The following SLC30A8 variants were observed in gnomAD, a reference collection of about 807,000 sequenced individuals.
SLC30A8 encodes the protein solute carrier family 30 member 8.
SLC30A8 carries 27 observed loss-of-function variants against 36.9 expected under a neutral mutation model. The observed-to-expected ratio is 0.73, with a 90% CI of 0.54 to 1.01. SLC30A8 has a LOEUF of 1.01. Ranked by LOEUF, SLC30A8 falls within the 50% of genes least tolerant of loss-of-function variation. SLC30A8 has a pLI of 0.00. For missense variants in SLC30A8, 439 were observed against 452.0 expected, an observed-to-expected ratio of 0.97 and a Z score of 0.26; for synonymous variants, 164 against 172.4, an observed-to-expected ratio of 0.95 and a Z score of 0.38.
chr8:116,997,250 G>C (rs527551536), intron 1 of SLC30A8, among the ~76,000 whole-genome samples: 1 of 152,100 alleles, frequency 6.6e-6, no homozygotes, highest in Admixed American at 6.5e-5. Context: ...CAGTTTGCCT[G>C]TTCTTCTGAT....
At chr8:117,071,891 C>A (rs560009186) in intron 2 of SLC30A8, among the ~76,000 whole-genome samples, 127 of 151,948 alleles carry the variant, frequency 8.4e-4, no homozygotes, top group African/African-American at 2.8e-3. Flanking sequence ...TATCTCCCAC[C>A]CTTCTCTGCC....
rs554155085 is a variant in SLC30A8 at position 117,042,848 on chromosome 8, G to A, written c.-226+3590G>A. 1.1e-3 allele frequency among the ~76,000 whole-genome samples: 168 copies of A among 152,196 alleles called. 1 individual carries two copies. Among genetic ancestry groups the A allele is most frequent in the Non-Finnish European group, 2.1e-3 (144 of 68,004 alleles). On this transcript the variant is annotated intron_variant, in intron 2 of 10. Coordinates refer to the SLC30A8 transcript ENST00000427715. ...GTGCCACCACAACCGGCTAATTTTT[G>A]TATTTTTAGTAGAGACGGGTTTTCA...
intron 1 of SLC30A8, among the ~76,000 whole-genome samples, chr8:116,976,399 A>G (rs546232493): frequency 6.6e-6 from 1 of 152,292 alleles, no homozygotes; most frequent in East Asian, 1.9e-4. Context: ...ACACCACTGC[A>G]TGGAACTGAT....
At chr8:117,090,529 C>T (rs1563588788) in intron 2 of SLC30A8, among the ~76,000 whole-genome samples, 1 of 152,070 alleles carries the variant, frequency 6.6e-6, no homozygotes, top group Non-Finnish European at 1.5e-5. Flanking sequence ...ATCTTGCTTC[C>T]TTGTTCCTAG....
intron 2 of SLC30A8, among the ~76,000 whole-genome samples, chr8:117,085,142 A>T (rs1294579391): frequency 6.6e-6 from 1 of 152,164 alleles, no homozygotes; most frequent in Non-Finnish European, 1.5e-5. Context: ...TTAAGAAAAA[A>T]CTATAACTTC....
At chr8:117,130,943 AT>A (rs2040024437), upstream of SLC30A8, among the ~76,000 whole-genome samples, 2 of 151,980 alleles carry the variant, frequency 1.3e-5, no homozygotes, top group South Asian at 4.1e-4. Context: ...TTTTTCTGTC[AT>A]TTATTTGCAT....
In SLC30A8 at chr8:117,175,865, A is replaced by AG. The variant is rs1823654333; in HGVS notation, c.*3186dup. On this transcript the variant is annotated 3_prime_UTR_variant, in exon 8 of 8. Transcript: ENST00000456015. ...TGCTGGGATAAAGGCATTTACTGAGAGGCTGTTACCTAGTGAGAGTGATGA... is the reference window on the plus strand; with the variant it reads ...TGCTGGGATAAAGGCATTTACTGAGAGGGCTGTTACCTAGTGAGAGTGATGA... The AG allele has an allele frequency of 6.6e-6, 1 of 152,072 alleles. No individual in the cohort carries two copies. Among genetic ancestry groups the AG allele is most frequent in the South Asian group, 2.1e-4 (1 of 4,830 alleles). The allele number at this position is 152,072 out of a possible 1,614,324, so 9.4% of individuals were successfully genotyped here.
At chr8:117,134,059 T>G (rs144826361), upstream of SLC30A8, among the ~76,000 whole-genome samples, 54 of 152,078 alleles carry the variant, frequency 3.6e-4, no homozygotes, top group Middle Eastern at 3.4e-3. Flanking sequence ...GAACCAAAGG[T>G]GACTTCTCCT....
Position 117,078,582 on chromosome 8 carries a change from A to G in SLC30A8, c.-226+39324A>G, listed in dbSNP as rs537625867. ...TCAGTTCCTCATCTGCAAAGTGGGCATCATAAAGTTCATCTCATAGGACTG... is the reference window on the plus strand; with the variant it reads ...TCAGTTCCTCATCTGCAAAGTGGGCGTCATAAAGTTCATCTCATAGGACTG... On this transcript the variant is annotated intron_variant, in intron 2 of 10. Transcript: ENST00000427715. Among the ~76,000 whole-genome samples the G allele has an allele frequency of 7.2e-5, 11 of 152,318 alleles. No individual in the cohort carries two copies. The South Asian group carries it at 2.1e-3, about 29-fold the overall frequency.
intron 7 of SLC30A8, among the ~76,000 whole-genome samples, chr8:117,171,692 T>TA (rs1823396265): frequency 6.6e-6 from 1 of 152,178 alleles, no homozygotes; most frequent in African/African-American, 2.4e-5. Flanking sequence ...AGAAAATTCT[T>TA]ATAATACTAG....
At chr8:117,015,548 C>CCCA (rs1554623798) in intron 1 of SLC30A8, among the ~76,000 whole-genome samples, 1 of 139,040 alleles carries the variant, frequency 7.2e-6, no homozygotes, top group African/African-American at 2.7e-5. Flanking sequence ...CCCCCCCCCC[C>CCCA]AAAAAAAAGA....
intron 4 of SLC30A8, 131 bp from the exon 5 acceptor site, chr8:117,161,606 TC>T: frequency 1.2e-6 from 1 of 850,322 alleles, no homozygotes; most frequent in South Asian, 2.0e-5. Flanking sequence ...CAAAGATAGT[TC>T]TTTTTAAAGC....
In SLC30A8 at chr8:116,961,813, A is replaced by G. The variant is rs189503887; in HGVS notation, c.-266+10694A>G. 3.3e-5 allele frequency among the ~76,000 whole-genome samples: 5 copies of G among 152,020 alleles called. No individual in the cohort carries two copies. In the East Asian group the frequency reaches 9.7e-4, roughly 29 times the overall value. Reference sequence around the variant, plus strand: ...GCCCTTTTTTTGTGTCGCTCAGACTAGAGTGTAGTGGTACAATCATAGCTC... The same window carrying G: ...GCCCTTTTTTTGTGTCGCTCAGACTGGAGTGTAGTGGTACAATCATAGCTC... On this transcript the variant is annotated intron_variant, in intron 1 of 10. Coordinates refer to the SLC30A8 transcript ENST00000427715.
At chr8:117,003,059 A>G (rs540337812) in intron 1 of SLC30A8, among the ~76,000 whole-genome samples, 2 of 152,338 alleles carry the variant, frequency 1.3e-5, no homozygotes, top group Admixed American at 1.3e-4. Context: ...ATTAAGAAAT[A>G]AAGAGAAATG....
intron 1 of SLC30A8, among the ~76,000 whole-genome samples, chr8:117,026,006 C>T (rs571407736): frequency 2.0e-5 from 3 of 152,208 alleles, no homozygotes; most frequent in Admixed American, 6.5e-5. Context: ...TGCATTTGTT[C>T]GTAGCATGGA....
chr8:116,951,803 T>G (rs146586573), intron 1 of SLC30A8, among the ~76,000 whole-genome samples: 228 of 152,258 alleles, frequency 1.5e-3, no homozygotes, highest in African/African-American at 5.3e-3. Flanking sequence ...AGGTATGTGT[T>G]GAGCATCAGT....
At chr8:117,159,844 C>T (rs1490499472) in intron 4 of SLC30A8, among the ~76,000 whole-genome samples, 3 of 152,208 alleles carry the variant, frequency 2.0e-5, no homozygotes, top group African/African-American at 7.2e-5. Context: ...CCAACTATCA[C>T]ATCAATCTGG....
chr8:116,976,822 C>CTTT lies in SLC30A8; in HGVS notation c.-266+25717_-266+25719dup, dbSNP rs763561636. Among the ~76,000 whole-genome samples the CTTT allele has an allele frequency of 6.8e-3, 238 of 34,886 alleles. 2 individuals carry two copies. The highest frequency in any genetic ancestry group is 0.024 in the African/African-American group (228 of 9,466). 22.9% of individuals were successfully genotyped at this position (34,886 alleles called of 152,430 possible). On this transcript the variant is annotated intron_variant, in intron 1 of 10. Coordinates refer to the SLC30A8 transcript ENST00000427715. ...TTTTTCTTTCTTTCTTTCTTTCTTTCTTTTTTTTTTTTTTTTACAGAGTCT... is the reference window on the plus strand; with the variant it reads ...TTTTTCTTTCTTTCTTTCTTTCTTTCTTTTTTTTTTTTTTTTTTTACAGAGTCT...
chr8:117,081,899 G>T (rs1222864902), intron 2 of SLC30A8, among the ~76,000 whole-genome samples: 12 of 152,120 alleles, frequency 7.9e-5, no homozygotes, highest in Non-Finnish European at 1.8e-4. Flanking sequence ...ACCATTTTCT[G>T]CTCTTCTCCT....
Sources: gnomAD v4.1 joint callset for allele counts (sites outside exome capture counted in the v4.1 genomes callset) on GRCh38, gnomAD v4.1.1 for gene constraint, MANE v1.5 for transcripts, NCBI Gene and HGNC (gene_info 2026-07-23, HGNC 2026-07-21) for gene names.